Variants in SLIT1 observed in about 807,000 individuals in gnomAD.
SLIT1 encodes slit homolog 1 protein.
Under a neutral mutation model 186.1 loss-of-function variants are expected in SLIT1, and 66 were observed. That is an observed-to-expected ratio of 0.35 (90% CI 0.29 to 0.44). The LOEUF is 0.44. Ranked by LOEUF, SLIT1 falls within the 20% of genes least tolerant of loss-of-function variation. SLIT1 has a pLI of 1.00. For synonymous variants in SLIT1, 761 were observed against 833.8 expected (o/e 0.91, Z 1.50); for missense variants, 1,638 against 2,037.4 (o/e 0.80, Z 3.77).
chr10:97,017,363 C>T (rs988004857), intron 28 of SLIT1, among the ~76,000 whole-genome samples: 4 of 152,200 alleles, frequency 2.6e-5, no homozygotes, highest in Non-Finnish European at 5.9e-5. Context: ...CCCCCAGATT[C>T]AACATCATTT....
intron 1 of SLIT1, among the ~76,000 whole-genome samples, chr10:97,165,716 C>G (rs1299743930): frequency 6.6e-6 from 1 of 152,136 alleles, no homozygotes; most frequent in African/African-American, 2.4e-5. Flanking sequence ...GGGGGCCTGA[C>G]AGGAGGCCAG....
intron 4 of SLIT1, among the ~76,000 whole-genome samples, chr10:97,066,391 G>A (rs1848946601): frequency 6.6e-6 from 1 of 152,220 alleles, no homozygotes; most frequent in Non-Finnish European, 1.5e-5. Flanking sequence ...GCTACGATCA[G>A]CCCTGCCAGA....
chr10:97,045,097 G>T (rs1264797431), intron 18 of SLIT1, among the ~76,000 whole-genome samples: 2 of 152,078 alleles, frequency 1.3e-5, no homozygotes, highest in Admixed American at 6.6e-5. Context: ...TGGCACCCTG[G>T]TCTCAGACTT....
At chr10:97,146,766 A>G (rs1233649475) in intron 4 of SLIT1, among the ~76,000 whole-genome samples, 1 of 152,202 alleles carries the variant, frequency 6.6e-6, no homozygotes, top group African/African-American at 2.4e-5. Flanking sequence ...CCCTGAAATC[A>G]GACAGCAAGA....
At chr10:97,150,526 G>A (rs914440050) in intron 4 of SLIT1, among the ~76,000 whole-genome samples, 1 of 152,124 alleles carries the variant, frequency 6.6e-6, no homozygotes, top group African/African-American at 2.4e-5. Flanking sequence ...AGTTATGGTG[G>A]TCCTTACAGC....
chr10:97,002,607 A>G lies in SLIT1; in HGVS notation c.4154+97T>C. 4.2e-6 allele frequency: 5 copies of G among 1,192,802 alleles called. No individual in the cohort carries two copies. In the Admixed American group the frequency reaches 1.3e-4, roughly 31 times the overall value. The allele number at this position is 1,192,802 out of a possible 1,614,324, so 73.9% of individuals were successfully genotyped here. ...GTAATAAAACCCTGGCTTAGGCTACATGTTCTAATATGGGTTGGAAAACTG... is the reference window on the plus strand; with the variant it reads ...GTAATAAAACCCTGGCTTAGGCTACGTGTTCTAATATGGGTTGGAAAACTG... On this transcript the variant is annotated intron_variant, in intron 35 of 36. Coordinates refer to ENST00000266058, the MANE Select transcript of SLIT1 (RefSeq NM_003061.3).
At chr10:97,141,086 G>A (rs1207543320) in intron 4 of SLIT1, among the ~76,000 whole-genome samples, 1 of 152,108 alleles carries the variant, frequency 6.6e-6, no homozygotes, top group Non-Finnish European at 1.5e-5. Flanking sequence ...GGCTCTGCAT[G>A]TAAAAGCACC....
intron 1 of SLIT1, among the ~76,000 whole-genome samples, chr10:97,181,167 C>T (rs1490484348): frequency 1.3e-5 from 2 of 152,158 alleles, no homozygotes; most frequent in Non-Finnish European, 2.9e-5. Flanking sequence ...AGCCAGTGGG[C>T]CAGTGACCAC....
At chr10:97,009,530 T>C (rs1405653840) in intron 31 of SLIT1, among the ~76,000 whole-genome samples, 6 of 152,210 alleles carry the variant, frequency 3.9e-5, no homozygotes, top group Non-Finnish European at 7.3e-5. Flanking sequence ...TATAAAAGTC[T>C]TAGAAGACAA....
intron 1 of SLIT1, among the ~76,000 whole-genome samples, chr10:97,169,020 C>A (rs2134734279): frequency 6.6e-6 from 1 of 152,274 alleles, no homozygotes; most frequent in Non-Finnish European, 1.5e-5. Flanking sequence ...TTGTACCAGC[C>A]CCCACAGTGC....
intron 4 of SLIT1, among the ~76,000 whole-genome samples, chr10:97,115,996 G>T (rs1849506898): frequency 6.6e-6 from 1 of 152,242 alleles, no homozygotes; most frequent in African/African-American, 2.4e-5. Flanking sequence ...ACAGGCTCTG[G>T]AGTGAAACCT....
rs1277055768 is a variant in SLIT1, at chr10:97,014,749, C to T, written c.2970-591G>A. 2.0e-5 allele frequency among the ~76,000 whole-genome samples: 3 copies of T among 152,072 alleles called. No individual in the cohort carries two copies. In the East Asian group the frequency reaches 5.8e-4, roughly 29 times the overall value. ...GGCATGGTGGCATGTGCCTGTAATC[C>T]CAACTACTCGGGAGGCTGAGGCAGG... On this transcript the variant is annotated intron_variant, in intron 28 of 36. Transcript: ENST00000266058.
At chr10:97,051,036 G>A (rs1269503483) in intron 13 of SLIT1, among the ~76,000 whole-genome samples, 2 of 152,120 alleles carry the variant, frequency 1.3e-5, no homozygotes, top group East Asian at 1.9e-4. Context: ...ACCCAAAAAC[G>A]TGCTGCATAT....
chr10:97,145,580 G>A (rs530891956), intron 4 of SLIT1, among the ~76,000 whole-genome samples: 26 of 152,294 alleles, frequency 1.7e-4, no homozygotes, highest in South Asian at 4.1e-4. Flanking sequence ...GGGTCCACTC[G>A]TGACAGGCCA....
Position 97,087,758 on chromosome 10 carries a change from G to A in SLIT1, c.414-21672C>T, listed in dbSNP as rs375771997. Among the ~76,000 whole-genome samples, 6 of 152,242 alleles carry A rather than the reference G, an allele frequency of 3.9e-5. No individual in the cohort carries two copies. In the East Asian group the frequency reaches 5.8e-4, roughly 15 times the overall value. ...CCCGAGGCCTCCACTCTAAGCTTGA[G>A]CTCCAACTCAGAGTTACCAGAGCTG... On this transcript the variant is annotated intron_variant, in intron 4 of 36. Transcript: ENST00000266058.
At chr10:97,162,619 AAATAAAT>A (rs1400256351) in intron 3 of SLIT1, among the ~76,000 whole-genome samples, 4 of 152,180 alleles carry the variant, frequency 2.6e-5, no homozygotes, top group African/African-American at 9.7e-5. Flanking sequence ...TCTCAAAAAT[AAATAAAT>A]AATAAAGTGC....
chr10:97,032,411 A>G (rs373861335), intron 23 of SLIT1, among the ~76,000 whole-genome samples: 5 of 152,220 alleles, frequency 3.3e-5, no homozygotes, highest in African/African-American at 9.6e-5. Context: ...TCTCCTAAAA[A>G]TACAAATATT....
At chr10:97,062,394 G>A (rs1848901495) in intron 8 of SLIT1, among the ~76,000 whole-genome samples, 1 of 152,206 alleles carries the variant, frequency 6.6e-6, no homozygotes, top group African/African-American at 2.4e-5. Flanking sequence ...CTGTGTGGCT[G>A]GCAGGCCCAG....
intron 4 of SLIT1, among the ~76,000 whole-genome samples, chr10:97,081,863 C>T (rs1362559208): frequency 1.3e-5 from 2 of 152,224 alleles, no homozygotes; most frequent in Non-Finnish European, 2.9e-5. Context: ...GGCTCTTCCT[C>T]TGCTCAGGGC....
Sources: gnomAD v4.1 joint callset for allele counts (sites outside exome capture counted in the v4.1 genomes callset) on GRCh38, gnomAD v4.1.1 for gene constraint, MANE v1.5 for transcripts, NCBI Gene and HGNC (gene_info 2026-07-23, HGNC 2026-07-21) for gene names.